RBFOX3: variants seen among roughly 807,000 people sequenced by gnomAD.
RBFOX3 encodes RNA binding protein fox-1 homolog 3.
In RBFOX3, 17 loss-of-function variants were observed where a neutral mutation model predicts 48.7. The ratio of observed to expected loss-of-function variants is 0.35; its 90% CI spans 0.24 to 0.52. The LOEUF (loss-of-function observed/expected upper bound fraction) is 0.52, where lower values mean the gene tolerates loss of function less well. Ranked by LOEUF, RBFOX3 falls within the 20% of genes least tolerant of loss-of-function variation. The pLI, the probability that RBFOX3 is intolerant of heterozygous loss-of-function variation, is 0.94. For synonymous variants in RBFOX3, 212 were observed against 209.5 expected (o/e 1.01, Z -0.10); for missense variants, 382 against 497.5 (o/e 0.77, Z 2.21).
At chr17:79,586,266 C>T (rs1044078384) in intron 1 of RBFOX3, among the ~76,000 whole-genome samples, 8 of 152,168 alleles carry the variant, frequency 5.3e-5, no homozygotes, top group East Asian at 3.9e-4. Context: ...CAGGCACGGA[C>T]GTGTGAGCAA....
At position 79,164,572 on chromosome 17, in the gene RBFOX3, C is replaced by G. The variant is rs552275019; in HGVS notation, c.-33-48824G>C. Among the ~76,000 whole-genome samples the G allele has an allele frequency of 2.6e-5, 4 of 152,332 alleles. No individual in the cohort carries two copies. The East Asian group carries it at 7.7e-4, about 29-fold the overall frequency. On this transcript the variant is annotated intron_variant, in intron 4 of 14. Coordinates refer to ENST00000693108, the MANE Select transcript of RBFOX3 (RefSeq NM_001350451.2). ...GCCAGCTGTGCCAGTGAAAACGGTG[C>G]CACTGGCCCTTGGTGGGAGGCCCAG...
At chr17:79,663,892 C>G in the RBFOX3 span, among the ~76,000 whole-genome samples, 8 of 152,136 alleles carry the variant, frequency 5.3e-5, no homozygotes, top group Non-Finnish European at 1.0e-4. Flanking sequence ...TCCCTTGAAG[C>G]CCAATCTTCG....
intron 4 of RBFOX3, among the ~76,000 whole-genome samples, chr17:79,149,420 G>A (rs575856142): frequency 3.9e-4 from 59 of 152,292 alleles, no homozygotes; most frequent in Non-Finnish European, 7.1e-4. Flanking sequence ...CTCCCCACTC[G>A]TTGGATTGGA....
intron 4 of RBFOX3, among the ~76,000 whole-genome samples, chr17:79,200,075 A>G (rs2056487178): frequency 6.8e-6 from 1 of 147,494 alleles, no homozygotes; most frequent in Non-Finnish European, 1.5e-5. Context: ...AGGCAGGAGA[A>G]TCACTTGAAC....
chr17:79,153,633 C>T (rs914826357), intron 4 of RBFOX3, among the ~76,000 whole-genome samples: 1 of 152,218 alleles, frequency 6.6e-6, no homozygotes, highest in Non-Finnish European at 1.5e-5. Flanking sequence ...CCGGCTTTTT[C>T]TTTTTCCTTC....
At chr17:79,165,745 T>C (rs1280932870) in intron 4 of RBFOX3, among the ~76,000 whole-genome samples, 1 of 152,184 alleles carries the variant, frequency 6.6e-6, no homozygotes, top group Non-Finnish European at 1.5e-5. Flanking sequence ...CCCCAGGTTC[T>C]GGAAGCTTCC....
rs1363189589 is a variant in RBFOX3, at chr17:79,107,237, G to A, written c.223-449C>T. Reference sequence around the variant, plus strand: ...CTGCAGACAGATGTCGGCCTGGCCCGAGGGTCCGCCTGTCCGAAGGTGCTG... The same window carrying A: ...CTGCAGACAGATGTCGGCCTGGCCCAAGGGTCCGCCTGTCCGAAGGTGCTG... On this transcript the variant is annotated intron_variant, in intron 5 of 14. Transcript: ENST00000693108. Among the ~76,000 whole-genome samples, 7 of 152,310 alleles carry A rather than the reference G, an allele frequency of 4.6e-5. No homozygotes were observed. The East Asian group carries it at 9.7e-4, about 21-fold the overall frequency.
chr17:79,514,750 TG>T (rs2085003174), intron 1 of RBFOX3, among the ~76,000 whole-genome samples: 2 of 152,178 alleles, frequency 1.3e-5, no homozygotes, highest in Admixed American at 6.5e-5. Context: ...GTGGATCCAC[TG>T]GACCCTGGAG....
chr17:79,403,520 C>G (rs146208512), intron 2 of RBFOX3, among the ~76,000 whole-genome samples: 122 of 152,368 alleles, frequency 8.0e-4, no homozygotes, highest in African/African-American at 2.8e-3. Context: ...CTTCCACCCC[C>G]GTCAGCCCCA....
chr17:79,575,970 G>A (rs2092844435), intron 1 of RBFOX3, among the ~76,000 whole-genome samples: 2 of 152,218 alleles, frequency 1.3e-5, no homozygotes, highest in Non-Finnish European at 1.5e-5. Flanking sequence ...TCAGTGTTGT[G>A]TCCACATGGC....
chr17:79,127,213 G>C (rs1375877603), intron 4 of RBFOX3, among the ~76,000 whole-genome samples: 1 of 152,228 alleles, frequency 6.6e-6, no homozygotes, highest in Non-Finnish European at 1.5e-5. Context: ...TTCCTGAGGG[G>C]CTGGGAGCAG....
chr17:79,132,438 C>T (rs957879147), intron 4 of RBFOX3, among the ~76,000 whole-genome samples: 7 of 152,244 alleles, frequency 4.6e-5, no homozygotes, highest in Admixed American at 1.3e-4. Context: ...TGAGTGTGCA[C>T]GTGTGTGTAC....
At chr17:79,518,967 G>A (rs892235601) in intron 1 of RBFOX3, among the ~76,000 whole-genome samples, 17 of 152,220 alleles carry the variant, frequency 1.1e-4, no homozygotes, top group Admixed American at 3.9e-4. Flanking sequence ...GGCCAGGAAC[G>A]GCCAGAAGGA....
chr17:79,301,296 C>T (rs2145333860), intron 3 of RBFOX3, among the ~76,000 whole-genome samples: 1 of 152,358 alleles, frequency 6.6e-6, no homozygotes, highest in East Asian at 1.9e-4. Flanking sequence ...GCGAGTTGTC[C>T]ATCTGGGCCA....
rs1474669033 is a variant in RBFOX3, at chr17:79,269,470, C to T, written c.-73-33665G>A. 2.0e-5 allele frequency among the ~76,000 whole-genome samples: 3 copies of T among 152,146 alleles called. No homozygotes were observed. The East Asian group carries it at 5.8e-4, about 29-fold the overall frequency. Reference sequence around the variant, plus strand: ...GGTGCTCAATGAATATTGGCCCTTCCCACTCCTGCCTCTGAGAGCTGTGGG... The same window carrying T: ...GGTGCTCAATGAATATTGGCCCTTCTCACTCCTGCCTCTGAGAGCTGTGGG... On this transcript the variant is annotated intron_variant, in intron 3 of 14. Coordinates refer to ENST00000693108, the MANE Select transcript of RBFOX3 (RefSeq NM_001350451.2).
intron 4 of RBFOX3, among the ~76,000 whole-genome samples, chr17:79,180,776 C>G (rs113274040): frequency 6.6e-6 from 1 of 152,118 alleles, no homozygotes; most frequent in African/African-American, 2.4e-5. Context: ...CGGAGTCCAC[C>G]GAGACACATG....
At chr17:79,262,511 C>T (rs7215765) in intron 3 of RBFOX3, among the ~76,000 whole-genome samples, 101,409 of 150,962 alleles carry the variant, frequency 0.67, 34,060 homozygotes, top group East Asian at 0.85. Context: ...CAGGGACAAA[C>T]TGATTAGGAT....
chr17:79,258,639 G>C (rs1007840371), intron 3 of RBFOX3, among the ~76,000 whole-genome samples: 3 of 152,214 alleles, frequency 2.0e-5, no homozygotes, highest in African/African-American at 7.2e-5. Flanking sequence ...GTGGGACAGG[G>C]AACGTGGCGA....
In RBFOX3 at chr17:79,248,640, T is replaced by G. The variant is rs200135002; in HGVS notation, c.-73-12835A>C. Among the ~76,000 whole-genome samples the G allele has an allele frequency of 1.2e-4, 19 of 152,368 alleles. No individual in the cohort carries two copies. The East Asian group carries it at 3.7e-3, about 29-fold the overall frequency. On this transcript the variant is annotated intron_variant, in intron 3 of 14. Transcript: ENST00000693108. The stretch of plus-strand genomic sequence containing the variant: ...TGGGCAACTGTGGGCCTGTGCTTGG[T>G]GTCCCCCACAGTGACGGCCGGAGTG...
Sources: gnomAD v4.1 joint callset for allele counts (sites outside exome capture counted in the v4.1 genomes callset) on GRCh38, gnomAD v4.1.1 for gene constraint, MANE v1.5 for transcripts, NCBI Gene and HGNC (gene_info 2026-07-23, HGNC 2026-07-21) for gene names.